Variants in PBX1 observed in about 807,000 individuals in gnomAD.
PBX1 encodes the protein pre-B-cell leukemia transcription factor 1.
A neutral mutation model predicts 53.4 loss-of-function variants in PBX1; 6 were observed. The ratio of observed to expected loss-of-function variants is 0.11; its 90% CI spans 0.06 to 0.22. PBX1 has a LOEUF of 0.22. Ranked by LOEUF, PBX1 falls within the 10% of genes least tolerant of loss-of-function variation. PBX1 has a pLI of 1.00. For synonymous variants in PBX1, 204 were observed against 212.3 expected (o/e 0.96, Z 0.34); for missense variants, 251 against 551.4 (o/e 0.46, Z 5.46).
intron 2 of PBX1, among the ~76,000 whole-genome samples, chr1:164,785,778 C>T (rs539880234): frequency 3.3e-5 from 5 of 152,278 alleles, no homozygotes; most frequent in Non-Finnish European, 5.9e-5. Context: ...GTGGAGACAA[C>T]CTCTATGTGG....
intron 2 of PBX1, among the ~76,000 whole-genome samples, chr1:164,865,656 A>G (rs971063611): frequency 1.4e-4 from 21 of 152,254 alleles, no homozygotes; most frequent in Non-Finnish European, 2.2e-4. Context: ...CAAAAGGTAC[A>G]AAGATACAAA....
chr1:164,765,924 T>C (rs1667038489), intron 2 of PBX1, among the ~76,000 whole-genome samples: 1 of 152,148 alleles, frequency 6.6e-6, no homozygotes, highest in Admixed American at 6.5e-5. Context: ...GCTAACCTTG[T>C]TTGAATAAAT....
intron 3 of PBX1, among the ~76,000 whole-genome samples, chr1:164,797,544 G>C (rs1225778364): frequency 2.0e-5 from 3 of 152,158 alleles, no homozygotes; most frequent in Non-Finnish European, 2.9e-5. Context: ...TTTCCATGGA[G>C]AGTGGAGAGT....
In PBX1 at chr1:164,739,043, CA is replaced by C. The variant is rs1347745674; in HGVS notation, c.266-53447del. Among the ~76,000 whole-genome samples the C allele has an allele frequency of 2.0e-5, 3 of 152,062 alleles. No individual in the cohort carries two copies. In the East Asian group the frequency reaches 5.8e-4, roughly 29 times the overall value. On this transcript the variant is annotated intron_variant, in intron 2 of 8. Transcript: ENST00000420696. ...TTCATGATATGTTTTGGTATAGGTT[CA>C]AAATTGGGGAATAGTTACTGGGCTC... is the stretch of plus-strand genomic sequence containing the variant.
intron 2 of PBX1, among the ~76,000 whole-genome samples, chr1:164,876,095 A>G (rs1487192028): frequency 6.6e-6 from 1 of 150,760 alleles, no homozygotes; most frequent in Non-Finnish European, 1.5e-5. Context: ...GAGGTCAGTG[A>G]ACTCAGAACA....
chr1:164,651,454 A>G (rs1438250877), intron 2 of PBX1, among the ~76,000 whole-genome samples: 1 of 152,036 alleles, frequency 6.6e-6, no homozygotes, highest in Non-Finnish European at 1.5e-5. Context: ...ATTAACGCAC[A>G]GAGAGCGGGC....
chr1:164,618,536 C>CA (rs1266672906), intron 2 of PBX1, among the ~76,000 whole-genome samples: 10 of 152,180 alleles, frequency 6.6e-5, no homozygotes, highest in African/African-American at 2.4e-4. Context: ...TTCCTTTTCT[C>CA]AAAAAAATTA....
At chr1:164,608,227 A>G (rs1011333159) in intron 2 of PBX1, among the ~76,000 whole-genome samples, 8 of 152,202 alleles carry the variant, frequency 5.3e-5, no homozygotes, top group Non-Finnish European at 1.2e-4. Context: ...AGCATGTGCC[A>G]AGTACTGTGC....
At chr1:164,778,195 C>G (rs973619152) in intron 2 of PBX1, among the ~76,000 whole-genome samples, 1 of 152,258 alleles carries the variant, frequency 6.6e-6, no homozygotes, top group East Asian at 1.9e-4. Context: ...CTATTCATTA[C>G]CAAACAGATC....
chr1:164,773,126 G>GA (rs1481103245), intron 2 of PBX1: 1 of 152,070 alleles, frequency 6.6e-6, no homozygotes, highest in Non-Finnish European at 1.5e-5. Flanking sequence ...TTTGAATACT[G>GA]TAATTATTTT....
At chr1:164,790,850 T>A (rs1434912580) in intron 2 of PBX1, among the ~76,000 whole-genome samples, 1 of 152,180 alleles carries the variant, frequency 6.6e-6, no homozygotes, top group South Asian at 2.1e-4. Flanking sequence ...ATACCCTCAT[T>A]GAGCTCATCT....
chr1:164,841,567 A>G (rs1201595270), intron 8 of PBX1, among the ~76,000 whole-genome samples: 1 of 152,200 alleles, frequency 6.6e-6, no homozygotes, highest in East Asian at 1.9e-4. Context: ...AAAATTCCCC[A>G]GGAAATTTTG....
At chr1:164,730,719 G>GT in intron 2 of PBX1, among the ~76,000 whole-genome samples, 1 of 152,246 alleles carries the variant, frequency 6.6e-6, no homozygotes, top group South Asian at 2.1e-4. Flanking sequence ...ACTGCTTTGC[G>GT]TAAGTTTAAT....
At chr1:164,564,625 A>C (rs1038893366) in intron 2 of PBX1, among the ~76,000 whole-genome samples, 1 of 152,156 alleles carries the variant, frequency 6.6e-6, no homozygotes, top group South Asian at 2.1e-4. Context: ...TCAGACCTCT[A>C]AGTCTTCCAG....
intron 2 of PBX1, among the ~76,000 whole-genome samples, chr1:164,605,681 C>T (rs1656499415): frequency 6.6e-6 from 1 of 152,214 alleles, no homozygotes. Flanking sequence ...GAAATTAATA[C>T]ATACATGTTG....
At chr1:164,746,576 C>T (rs565928630) in intron 2 of PBX1, among the ~76,000 whole-genome samples, 30 of 152,082 alleles carry the variant, frequency 2.0e-4, no homozygotes, top group African/African-American at 7.2e-4. Flanking sequence ...GGGGTTTTAC[C>T]ACATTGGCCA....
At chr1:164,878,022 T>G (rs748865907) in intron 2 of PBX1, among the ~76,000 whole-genome samples, 5 of 152,242 alleles carry the variant, frequency 3.3e-5, no homozygotes, top group Non-Finnish European at 7.3e-5. Flanking sequence ...TCACTCAACC[T>G]AATTATTTTG....
chr1:164,577,187 A>T (rs917840811), intron 2 of PBX1, among the ~76,000 whole-genome samples: 4 of 152,200 alleles, frequency 2.6e-5, no homozygotes, highest in African/African-American at 7.2e-5. Context: ...CTCAGCTCTT[A>T]CAGGGAGTGC....
At chr1:164,709,579 C>T (rs1262215757) in intron 2 of PBX1, among the ~76,000 whole-genome samples, 1 of 152,034 alleles carries the variant, frequency 6.6e-6, no homozygotes, top group Admixed American at 6.6e-5. Context: ...ACCACCAAGA[C>T]ATTTCACGCA....
Sources: gnomAD v4.1 joint callset for allele counts (sites outside exome capture counted in the v4.1 genomes callset) on GRCh38, gnomAD v4.1.1 for gene constraint, MANE v1.5 for transcripts, NCBI Gene and HGNC (gene_info 2026-07-23, HGNC 2026-07-21) for gene names.